The following SLC2A5 variants were observed in gnomAD, a reference collection of about 807,000 sequenced individuals.
SLC2A5 encodes solute carrier family 2 member 5.
Under a neutral mutation model 50.3 loss-of-function variants are expected in SLC2A5, and 56 were observed. That is an observed-to-expected ratio of 1.11 (90% CI 0.90 to 1.39). The LOEUF is 1.39. SLC2A5 is among the 40% of genes most tolerant of loss of function. The probability of loss-of-function intolerance (pLI) is 0.00; values close to 1 mark genes in which losing one functional copy is unlikely to be tolerated. For synonymous variants in SLC2A5, 269 were observed against 281.9 expected, an observed-to-expected ratio of 0.95 and a Z score of 0.46; for missense variants, 566 against 650.1, an observed-to-expected ratio of 0.87 and a Z score of 1.41.
rs762143542 is a variant in SLC2A5, at chr1:9,058,262, A to C, written c.34-12T>G. On this transcript the variant is annotated splice_polypyrimidine_tract_variant and intron_variant, in intron 1 of 11. Transcript: ENST00000377424. ...ACAAGCGTCAGCCTCTGCAGAGATC[A>C]CAGCTTAGGTCAGGAAGCAGCCCCA... 3 of 1,606,874 alleles carry C rather than the reference A, an allele frequency of 1.9e-6. No homozygotes were observed. In the Admixed American group the frequency reaches 5.0e-5, roughly 27 times the overall value.
chr1:9,079,868 T>C (rs1342238938), intron 2 of SLC2A5, among the ~76,000 whole-genome samples: 1 of 152,238 alleles, frequency 6.6e-6, no homozygotes. Context: ...CCAGTTGAGT[T>C]GTGGTAAGTA....
upstream of SLC2A5, among the ~76,000 whole-genome samples, chr1:9,091,796 C>G (rs1350816731): frequency 6.6e-6 from 1 of 152,100 alleles, no homozygotes; most frequent in Non-Finnish European, 1.5e-5. Context: ...GATATGCCAT[C>G]ATTGGAGGGT....
exon 2 of SLC2A5, chr1:9,085,101 A>G (rs1642390101): frequency 6.6e-6 from 1 of 152,174 alleles, no homozygotes. Context: ...CTGCTCTCTG[A>G]CTCTGTCACG....
At chr1:9,079,711 T>C (rs1472014931) in intron 2 of SLC2A5, among the ~76,000 whole-genome samples, 2 of 152,160 alleles carry the variant, frequency 1.3e-5, no homozygotes, top group African/African-American at 4.8e-5. Flanking sequence ...GATCTCAAAC[T>C]CCCGACCTCA....
In SLC2A5 at chr1:9,076,263, CAATTTTGATGAA is replaced by C. The variant is rs750780696; in HGVS notation, c.-58-6681_-58-6670del. On this transcript the variant is annotated intron_variant, in intron 2 of 5. Transcript: ENST00000464985. Reference sequence around the variant, plus strand: ...GAGCCACTGCACCTGGCCGGATTTTCAATTTTGATGAAACAGCTCTACTAGGAGTGAAAGGCC... The same window carrying C: ...GAGCCACTGCACCTGGCCGGATTTTCACAGCTCTACTAGGAGTGAAAGGCC... Among the ~76,000 whole-genome samples the C allele has an allele frequency of 4.9e-3, 748 of 152,200 alleles. 11 individuals are homozygous for C. The highest frequency in any genetic ancestry group is 7.7e-3 in the Non-Finnish European group (522 of 67,996).
intron 1 of SLC2A5, among the ~76,000 whole-genome samples, chr1:9,059,168 A>T (rs1409860462): frequency 1.8e-5 from 1 of 55,616 alleles, no homozygotes; most frequent in Non-Finnish European, 3.1e-5. Flanking sequence ...TTTGACACAG[A>T]GTCTTGCTCT....
At chr1:9,060,145 T>TACTAC (rs371833091) in intron 1 of SLC2A5, among the ~76,000 whole-genome samples, 5,340 of 135,040 alleles carry the variant, frequency 0.04, 183 homozygotes, top group African/African-American at 0.096. Context: ...ACACACTACA[T>TACTAC]ACACACTACA....
chr1:9,092,672 C>T (rs1274143426), upstream of SLC2A5, among the ~76,000 whole-genome samples: 1 of 152,158 alleles, frequency 6.6e-6, no homozygotes, highest in African/African-American at 2.4e-5. Context: ...AACAAACGAG[C>T]TTCTACTGTC....
At chr1:9,067,414 A>G (rs568266753) in intron 1 of SLC2A5, among the ~76,000 whole-genome samples, 5 of 152,254 alleles carry the variant, frequency 3.3e-5, no homozygotes, top group Admixed American at 6.5e-5. Context: ...TCCTTTCGCA[A>G]TGTGTTACTC....
intron 1 of SLC2A5, among the ~76,000 whole-genome samples, chr1:9,062,732 C>T (rs572872875): frequency 1.3e-5 from 2 of 151,746 alleles, no homozygotes; most frequent in African/African-American, 4.8e-5. Context: ...ATAAGCCAGG[C>T]GTGGTGGCAT....
chr1:9,041,326 A>G (rs1641296667), intron 5 of SLC2A5: 2 of 534,596 alleles, frequency 3.7e-6, no homozygotes, highest in South Asian at 1.9e-4. Context: ...CACCTCCCCC[A>G]TGGGGCCAGG....
At position 9,037,795 on chromosome 1, in the gene SLC2A5, G is replaced by A. The variant is rs1641172539; in HGVS notation, c.1303-6C>T. ...CTGTACGGGCCGAGGCCCTCCTGCG[G>A]GAAGAGGGGCAGGTGACACGTGTGG... On this transcript the variant is annotated splice_region_variant and splice_polypyrimidine_tract_variant and intron_variant, in intron 11 of 11. Transcript: ENST00000377424. 6.2e-7 allele frequency: 1 copy of A among 1,614,110 alleles called. No homozygotes were observed.
At chr1:9,089,783 C>T (rs1642443050), upstream of SLC2A5, among the ~76,000 whole-genome samples, 1 of 152,178 alleles carries the variant, frequency 6.6e-6, no homozygotes, top group South Asian at 2.1e-4. Context: ...ACACCTTCCC[C>T]GTTTGGGTGC....
intron 3 of SLC2A5, chr1:9,049,357 A>G: frequency 2.8e-6 from 1 of 357,464 alleles, no homozygotes; most frequent in South Asian, 2.1e-5. Context: ...ACTGTATTGG[A>G]GAACCAACAT....
At position 9,063,681 on chromosome 1, in the gene SLC2A5, C is replaced by CTTTTTT. The variant is rs70985579; in HGVS notation, c.34-5437_34-5432dup. ...AGCCAACACATCAGGCTATTATTTA[C>CTTTTTT]TTTTTTTTTTTTTTTTTTTTTTTTT... On this transcript the variant is annotated intron_variant, in intron 1 of 11. Transcript: ENST00000377424. Among the ~76,000 whole-genome samples, 28 of 45,172 alleles carry CTTTTTT rather than the reference C, an allele frequency of 6.2e-4. 1 individual carries two copies. The highest frequency in any genetic ancestry group is 2.7e-3 in the African/African-American group (25 of 9,098). 29.6% of individuals were successfully genotyped at this position (45,172 alleles called of 152,430 possible). A position where few individuals can be genotyped will look rare whatever the true frequency, so the allele number is the denominator to read the frequency against.
rs376133953 is a variant in SLC2A5, at chr1:9,038,414, C to T, written c.1174+17G>A. On this transcript the variant is annotated intron_variant, in intron 10 of 11. Coordinates refer to ENST00000377424, the MANE Select transcript of SLC2A5 (RefSeq NM_003039.3). ...AGGGGGGGTTGTGACACCCTGAGGCCAGCTTTGGGTACGTACTGGGCCCGA... is the reference window on the plus strand; with the variant it reads ...AGGGGGGGTTGTGACACCCTGAGGCTAGCTTTGGGTACGTACTGGGCCCGA... 3.1e-6 allele frequency: 5 copies of T among 1,602,298 alleles called. No homozygotes were observed. The highest frequency in any genetic ancestry group is 4.3e-6 in the Non-Finnish European group (5 of 1,169,702).
At chr1:9,092,792 C>T (rs950983267), upstream of SLC2A5, among the ~76,000 whole-genome samples, 1 of 152,078 alleles carries the variant, frequency 6.6e-6, no homozygotes. Flanking sequence ...CTTGCAGGAG[C>T]CCTACAAATC....
intron 2 of SLC2A5, among the ~76,000 whole-genome samples, chr1:9,076,548 C>A (rs1248247694): frequency 3.9e-5 from 6 of 152,106 alleles, no homozygotes; most frequent in African/African-American, 1.4e-4. Flanking sequence ...CCTATATGTG[C>A]CTTTGATGCA....
At chr1:9,042,789 A>G (rs1184722520) in intron 4 of SLC2A5, among the ~76,000 whole-genome samples, 2 of 152,082 alleles carry the variant, frequency 1.3e-5, no homozygotes, top group South Asian at 2.1e-4. Flanking sequence ...AAATAAACCA[A>G]TGCAGAGATA....
Sources: allele counts gnomAD v4.1 joint callset (sites outside exome capture counted in the v4.1 genomes callset), GRCh38; gene constraint gnomAD v4.1.1; transcripts MANE v1.5; gene names NCBI Gene and HGNC (gene_info 2026-07-23, HGNC 2026-07-21).